The following DNAH3 variants were observed in gnomAD, a reference collection of about 807,000 sequenced individuals.
The protein encoded by DNAH3 is dynein axonemal heavy chain 3, also known as axonemal beta dynein heavy chain 3.
Under a neutral mutation model 432.5 loss-of-function variants are expected in DNAH3, and 332 were observed. The ratio of observed to expected loss-of-function variants is 0.77; its 90% confidence interval spans 0.70 to 0.84. The LOEUF (loss-of-function observed/expected upper bound fraction) is 0.84, where lower values mean the gene tolerates loss of function less well. Among genes scored for constraint, DNAH3 ranks in the 40% least tolerant of loss-of-function variants. The pLI is 0.00. For synonymous variants in DNAH3, 1,956 were observed against 1,900.2 expected, an observed-to-expected ratio of 1.03 and a Z score of -0.76; for missense variants, 4,861 against 5,114.0, an observed-to-expected ratio of 0.95 and a Z score of 1.51.
At chr16:21,119,849 C>T (rs1035559686) in intron 11 of DNAH3, among the ~76,000 whole-genome samples, 3 of 149,884 alleles carry the variant, frequency 2.0e-5, no homozygotes, top group Admixed American at 6.7e-5. Context: ...CCAGCCATCT[C>T]GGCTAATTTT....
chr16:20,979,771 A>G (rs1458739159), intron 49 of DNAH3, among the ~76,000 whole-genome samples: 3 of 152,166 alleles, frequency 2.0e-5, no homozygotes, highest in Non-Finnish European at 2.9e-5. Flanking sequence ...ATTTATTGAG[A>G]CAGTGTCTCT....
At chr16:21,096,716 G>C (rs2091692414) in intron 18 of DNAH3, among the ~76,000 whole-genome samples, 1 of 151,804 alleles carries the variant, frequency 6.6e-6, no homozygotes. Flanking sequence ...TTTCAGTGAT[G>C]GTAATACCAA....
chr16:21,020,595 G>GT (rs1210186073), intron 40 of DNAH3, among the ~76,000 whole-genome samples: 1 of 149,748 alleles, frequency 6.7e-6, no homozygotes, highest in Non-Finnish European at 1.5e-5. Flanking sequence ...TAGAGACGGG[G>GT]TTTTACTGTG....
intron 28 of DNAH3, among the ~76,000 whole-genome samples, chr16:21,053,190 T>G (rs1015425661): frequency 4.6e-5 from 7 of 152,200 alleles, no homozygotes; most frequent in African/African-American, 1.7e-4. Flanking sequence ...TGACAGAGTC[T>G]TCTTTATTAC....
chr16:20,934,760 A>C (rs2083528039), intron 61 of DNAH3, among the ~76,000 whole-genome samples: 2 of 152,020 alleles, frequency 1.3e-5, no homozygotes, highest in African/African-American at 2.4e-5. Context: ...TGTTTATCCT[A>C]GTCATTTTTT....
At chr16:21,151,794 C>T (rs1290065657) in intron 1 of DNAH3, among the ~76,000 whole-genome samples, 1 of 152,192 alleles carries the variant, frequency 6.6e-6, no homozygotes, top group Admixed American at 6.5e-5. Context: ...ATTAAAAGCA[C>T]ATGTTCCATG....
At chr16:21,039,627 G>A (rs545827314) in intron 33 of DNAH3, among the ~76,000 whole-genome samples, 342 of 152,280 alleles carry the variant, frequency 2.2e-3, no homozygotes, top group African/African-American at 7.6e-3. Flanking sequence ...TCAGGTGTAT[G>A]TAAAGAGACA....
At chr16:21,139,346 TTTTTG>T (rs2092688476) in intron 5 of DNAH3, among the ~76,000 whole-genome samples, 1 of 140,822 alleles carries the variant, frequency 7.1e-6, no homozygotes, top group Non-Finnish European at 1.5e-5. Flanking sequence ...TTTTTTTTTT[TTTTTG>T]AGATATGGTC....
chr16:21,086,236 G>T (rs2091368294), intron 19 of DNAH3, among the ~76,000 whole-genome samples: 1 of 152,120 alleles, frequency 6.6e-6, no homozygotes, highest in Admixed American at 6.5e-5. Flanking sequence ...TCTTTTTTCT[G>T]CTTAGTGTTC....
At chr16:20,936,559 C>T in intron 60 of DNAH3, 90 bp downstream of exon 60, 1 of 1,190,474 alleles carries the variant, frequency 8.4e-7, no homozygotes, top group Non-Finnish European at 1.2e-6. Context: ...TGCCTGCCCT[C>T]CTCCCCCTGC....
chr16:20,961,921 G>C (rs1290607550), intron 53 of DNAH3, among the ~76,000 whole-genome samples: 1 of 151,682 alleles, frequency 6.6e-6, no homozygotes, highest in Non-Finnish European at 1.5e-5. Flanking sequence ...AGCACTTTGG[G>C]AGGCCGAGGT....
intron 1 of DNAH3, among the ~76,000 whole-genome samples, chr16:21,151,265 T>C (rs1292220602): frequency 6.6e-6 from 1 of 151,950 alleles, no homozygotes; most frequent in Non-Finnish European, 1.5e-5. Context: ...GGATAACGTG[T>C]ACAGAGCGAT....
intron 53 of DNAH3, 92 bp from the exon 54 acceptor site, chr16:20,959,496 G>A (rs952286451): frequency 7.6e-7 from 1 of 1,313,590 alleles, no homozygotes; most frequent in African/African-American, 1.5e-5. Flanking sequence ...ATGGCTGGGT[G>A]TGGTGGCTCA....
intron 51 of DNAH3, among the ~76,000 whole-genome samples, chr16:20,974,722 T>C (rs554995250): frequency 2.0e-5 from 3 of 149,914 alleles, no homozygotes; most frequent in African/African-American, 7.3e-5. Flanking sequence ...CACCTGCCCA[T>C]ATGTTGGGTC....
At chr16:20,985,840 G>A in intron 47 of DNAH3, 125 bp from the exon 48 acceptor site, 1 of 960,164 alleles carries the variant, frequency 1.0e-6, no homozygotes, top group Non-Finnish European at 1.6e-6. Flanking sequence ...TCAAGGTCAT[G>A]GGTCATCAGT....
At chr16:21,109,969 C>A (rs540402542) in intron 14 of DNAH3, among the ~76,000 whole-genome samples, 38 of 152,182 alleles carry the variant, frequency 2.5e-4, no homozygotes, top group African/African-American at 8.4e-4. Flanking sequence ...GTCTTGAACT[C>A]CTGGGCTCAA....
intron 49 of DNAH3, among the ~76,000 whole-genome samples, chr16:20,982,200 A>G (rs1304281439): frequency 1.3e-5 from 2 of 152,154 alleles, no homozygotes; most frequent in South Asian, 4.2e-4. Context: ...CCTGGCCAAC[A>G]TGGCGAAACC....
chr16:21,079,116 G>T (rs908465171), intron 20 of DNAH3, among the ~76,000 whole-genome samples: 1 of 152,208 alleles, frequency 6.6e-6, no homozygotes, highest in Admixed American at 6.5e-5. Context: ...CTGGAGAGGG[G>T]TTTACTTTTT....
At chr16:21,072,641 T>C (rs1376765952) in intron 21 of DNAH3, among the ~76,000 whole-genome samples, 3 of 151,596 alleles carry the variant, frequency 2.0e-5, no homozygotes, top group East Asian at 3.9e-4. Context: ...TGGCTTGTTT[T>C]ATACATTTAT....
Sources: allele counts gnomAD v4.1 joint callset (sites outside exome capture counted in the v4.1 genomes callset), GRCh38; gene constraint gnomAD v4.1.1; transcripts MANE v1.5; gene names NCBI Gene and HGNC (gene_info 2026-07-23, HGNC 2026-07-21).